Variants in ASAP1 observed in about 807,000 individuals in gnomAD.
ASAP1 encodes the protein ArfGAP with SH3 domain, ankyrin repeat and PH domain 1.
Under a neutral mutation model 145.2 loss-of-function variants are expected in ASAP1, and 43 were observed. The observed-to-expected ratio is 0.30, with a 90% confidence interval of 0.23 to 0.38. The LOEUF (loss-of-function observed/expected upper bound fraction) is 0.38. Ranked by LOEUF, ASAP1 falls within the 10% of genes least tolerant of loss-of-function variation. ASAP1 has a pLI of 1.00. For synonymous variants in ASAP1, 546 were observed against 515.5 expected, an observed-to-expected ratio of 1.06 and a Z score of -0.80; for missense variants, 1,018 against 1,355.3, an observed-to-expected ratio of 0.75 and a Z score of 3.91.
chr8:130,297,290 C>T lies in ASAP1; in HGVS notation c.187-60296G>A, dbSNP rs567870648. Among the ~76,000 whole-genome samples the T allele has an allele frequency of 3.1e-4, 47 of 152,322 alleles. 1 individual carries two copies. Among genetic ancestry groups the T allele is most frequent in the African/African-American group, 1.1e-3 (44 of 41,578 alleles). On this transcript the variant is annotated intron_variant, in intron 3 of 29. Transcript: ENST00000518721. ...TCTGTGTATACTCAAGTCCCGTAGTCGGCCCTGCAGAACCTGAGGGTACAG... is the reference window on the plus strand; with the variant it reads ...TCTGTGTATACTCAAGTCCCGTAGTTGGCCCTGCAGAACCTGAGGGTACAG...
intron 4 of ASAP1, among the ~76,000 whole-genome samples, chr8:130,231,902 C>CAGTACAGT (rs1318110790): frequency 1.3e-5 from 2 of 152,190 alleles, no homozygotes; most frequent in Non-Finnish European, 2.9e-5. Flanking sequence ...AAGCCAGCCC[C>CAGTACAGT]ACTCCTACTG....
chr8:130,217,891 A>G (rs1344224051), intron 4 of ASAP1, among the ~76,000 whole-genome samples: 1 of 152,166 alleles, frequency 6.6e-6, no homozygotes, highest in Admixed American at 6.5e-5. Context: ...TCTAAATACC[A>G]TGAAGGAAAC....
chr8:130,173,592 C>T (rs950767577), intron 9 of ASAP1, among the ~76,000 whole-genome samples: 1 of 151,798 alleles, frequency 6.6e-6, no homozygotes, highest in African/African-American at 2.4e-5. Flanking sequence ...ATGGTGAAGC[C>T]CTGTCTCTAC....
At chr8:130,436,304 GTTTCT>G (rs1565314457) in intron 1 of ASAP1, among the ~76,000 whole-genome samples, 3 of 152,094 alleles carry the variant, frequency 2.0e-5, no homozygotes, top group Non-Finnish European at 4.4e-5. Flanking sequence ...TAGGAGTTTG[GTTTCT>G]TTTGAGACAT....
intron 12 of ASAP1, among the ~76,000 whole-genome samples, chr8:130,159,108 A>G (rs1309752372): frequency 6.6e-6 from 1 of 152,146 alleles, no homozygotes; most frequent in African/African-American, 2.4e-5. Context: ...GAGCGATACA[A>G]AGAGACCAGT....
At chr8:130,112,062 A>G in intron 24 of ASAP1, 32 bp downstream of exon 24, 1 of 1,582,760 alleles carries the variant, frequency 6.3e-7, no homozygotes, top group South Asian at 1.1e-5. Context: ...CCCTTCGAGG[A>G]TGGAGTCACA....
intron 3 of ASAP1, among the ~76,000 whole-genome samples, chr8:130,300,153 C>CACACACACACAGAGAGAGAGAGAGAG (rs1196584279): frequency 1.3e-5 from 1 of 76,892 alleles, no homozygotes; most frequent in Admixed American, 1.6e-4. Context: ...CACACACACA[C>CACACACACACAGAGAGAGAGAGAGAG]AGAGAGAGAG....
intron 3 of ASAP1, among the ~76,000 whole-genome samples, chr8:130,276,687 A>AC (rs1820903725): frequency 4.4e-5 from 4 of 91,626 alleles, no homozygotes; most frequent in African/African-American, 1.3e-4. Context: ...CAAGACTGCA[A>AC]ACACACACAC....
chr8:130,182,498 C>A (rs1470788046), intron 7 of ASAP1, among the ~76,000 whole-genome samples: 1 of 152,162 alleles, frequency 6.6e-6, no homozygotes, highest in East Asian at 1.9e-4. Context: ...ACCTCAGACA[C>A]TGACATTTGG....
chr8:130,371,015 A>C (rs1827189760), intron 2 of ASAP1, among the ~76,000 whole-genome samples: 1 of 152,262 alleles, frequency 6.6e-6, no homozygotes, highest in Non-Finnish European at 1.5e-5. Context: ...AAACCACTGA[A>C]TTGTATATCT....
chr8:130,140,349 T>C (rs1352844803), intron 13 of ASAP1, among the ~76,000 whole-genome samples: 1 of 151,812 alleles, frequency 6.6e-6, no homozygotes, highest in Non-Finnish European at 1.5e-5. Context: ...CTCTCATTTC[T>C]TTCTTTCTTT....
chr8:130,139,740 A>AAAAC (rs764103534), intron 13 of ASAP1, among the ~76,000 whole-genome samples: 1 of 151,406 alleles, frequency 6.6e-6, no homozygotes, highest in East Asian at 1.9e-4. Context: ...CCATCTCAAA[A>AAAAC]AAACAAACAA....
At chr8:130,323,305 A>C (rs1450672054) in intron 3 of ASAP1, among the ~76,000 whole-genome samples, 2 of 152,176 alleles carry the variant, frequency 1.3e-5, no homozygotes, top group Non-Finnish European at 2.9e-5. Flanking sequence ...GGAGGGACAG[A>C]AACTCTTGAT....
chr8:130,442,054 T>G (rs973952697), intron 1 of ASAP1, among the ~76,000 whole-genome samples: 4 of 152,214 alleles, frequency 2.6e-5, no homozygotes, highest in Non-Finnish European at 5.9e-5. Flanking sequence ...TAGCTGAATC[T>G]CCAAATCCAC....
chr8:130,170,832 T>C (rs1813543202), intron 9 of ASAP1, among the ~76,000 whole-genome samples: 1 of 152,060 alleles, frequency 6.6e-6, no homozygotes, highest in African/African-American at 2.4e-5. Flanking sequence ...GATCCTCCCA[T>C]CTCAGCCTTC....
intron 3 of ASAP1, among the ~76,000 whole-genome samples, chr8:130,246,084 A>G (rs920099481): frequency 2.0e-5 from 3 of 152,016 alleles, no homozygotes; most frequent in African/African-American, 7.2e-5. Context: ...TCAATTAATC[A>G]CTGCGAGTTG....
intron 15 of ASAP1, among the ~76,000 whole-genome samples, chr8:130,131,488 G>C (rs1027341139): frequency 9.9e-5 from 15 of 151,150 alleles, no homozygotes; most frequent in African/African-American, 3.7e-4. Context: ...TGCAGGCTGG[G>C]CACTATAGCT....
intron 24 of ASAP1, among the ~76,000 whole-genome samples, chr8:130,099,594 T>C (rs1449256013): frequency 6.6e-6 from 1 of 152,126 alleles, no homozygotes; most frequent in Non-Finnish European, 1.5e-5. Context: ...GAACATGCAG[T>C]ATTTATCTTT....
chr8:130,152,659 C>A, intron 13 of ASAP1, 77 bp downstream of exon 13: 2 of 1,013,674 alleles, frequency 2.0e-6, no homozygotes, highest in Non-Finnish European at 2.9e-6. Context: ...TATATTTGCG[C>A]CAATTTTTAC....
Sources: gnomAD v4.1 joint callset for allele counts (sites outside exome capture counted in the v4.1 genomes callset) on GRCh38, gnomAD v4.1.1 for gene constraint, MANE v1.5 for transcripts, NCBI Gene and HGNC (gene_info 2026-07-23, HGNC 2026-07-21) for gene names.